Variants in ROBO1 observed in about 807,000 individuals in gnomAD.
ROBO1 encodes roundabout guidance receptor 1.
ROBO1 carries 149 observed loss-of-function variants against 195.9 expected under a neutral mutation model. The observed-to-expected ratio is 0.76, with a 90% CI of 0.67 to 0.87. The LOEUF is 0.87. Among genes scored for constraint, ROBO1 ranks in the 40% least tolerant of loss-of-function variants. ROBO1 has a pLI of 0.00. For synonymous variants in ROBO1, 816 were observed against 733.2 expected (o/e 1.11, Z -1.82); for missense variants, 1,933 against 2,068.3 (o/e 0.93, Z 1.27).
chr3:79,490,310 G>T (rs1414330189), intron 2 of ROBO1, among the ~76,000 whole-genome samples: 1 of 152,126 alleles, frequency 6.6e-6, no homozygotes, highest in Non-Finnish European at 1.5e-5. Context: ...CATCCCCATG[G>T]ACTCAGCCCC....
chr3:79,146,611 T>C (rs1342170471), intron 2 of ROBO1, among the ~76,000 whole-genome samples: 1 of 151,944 alleles, frequency 6.6e-6, no homozygotes, highest in Non-Finnish European at 1.5e-5. Context: ...CAGATATCTG[T>C]GGTAAATAAC....
intron 2 of ROBO1, among the ~76,000 whole-genome samples, chr3:79,410,673 A>C (rs573499438): frequency 6.6e-6 from 1 of 152,100 alleles, no homozygotes; most frequent in African/African-American, 2.4e-5. Context: ...AAAGAAAGAA[A>C]GAAAAAGAAA....
chr3:79,382,911 T>A (rs1019382235), intron 2 of ROBO1, among the ~76,000 whole-genome samples: 7 of 152,056 alleles, frequency 4.6e-5, no homozygotes, highest in African/African-American at 1.4e-4. Context: ...TGTTTTCCTC[T>A]TACACAGAAT....
chr3:78,666,234 T>C (rs1310486106), intron 14 of ROBO1, among the ~76,000 whole-genome samples: 2 of 152,310 alleles, frequency 1.3e-5, no homozygotes, highest in African/African-American at 2.4e-5. Flanking sequence ...CTTTATAAAC[T>C]GCCCAGTCTC....
intron 1 of ROBO1, among the ~76,000 whole-genome samples, chr3:79,748,050 A>AC (rs1223525535): frequency 6.6e-6 from 1 of 152,112 alleles, no homozygotes; most frequent in African/African-American, 2.4e-5. Flanking sequence ...ACCAAAAAAA[A>AC]ATACTACTGC....
At chr3:79,356,145 A>C (rs2035546293) in intron 2 of ROBO1, among the ~76,000 whole-genome samples, 1 of 152,146 alleles carries the variant, frequency 6.6e-6, no homozygotes, top group Non-Finnish European at 1.5e-5. Flanking sequence ...GTTCCAGACT[A>C]GCCTGGCCAA....
chr3:78,694,730 G>C (rs1297347336), intron 8 of ROBO1, among the ~76,000 whole-genome samples: 1 of 152,112 alleles, frequency 6.6e-6, no homozygotes, highest in Non-Finnish European at 1.5e-5. Flanking sequence ...TTAAATGACA[G>C]TAAGAAGTAT....
At chr3:79,655,467 T>G (rs1473763257) in intron 1 of ROBO1, among the ~76,000 whole-genome samples, 1 of 152,018 alleles carries the variant, frequency 6.6e-6, no homozygotes, top group African/African-American at 2.4e-5. Context: ...TCAGTAAAGA[T>G]TTTAGCCTGT....
intron 2 of ROBO1, among the ~76,000 whole-genome samples, chr3:79,189,807 A>G (rs2081505223): frequency 6.6e-6 from 1 of 151,750 alleles, no homozygotes; most frequent in South Asian, 2.1e-4. Flanking sequence ...AAGATGAAAC[A>G]GTTTAAAGAA....
At chr3:78,660,725 G>A (rs1208222405) in intron 16 of ROBO1, 1 of 219,086 alleles carries the variant, frequency 4.6e-6, no homozygotes, top group East Asian at 1.0e-4. Context: ...AAACCAAACG[G>A]AAAACAATTT....
At chr3:79,584,207 T>C (rs1409123818) in intron 2 of ROBO1, among the ~76,000 whole-genome samples, 2 of 150,376 alleles carry the variant, frequency 1.3e-5, no homozygotes, top group African/African-American at 4.9e-5. Context: ...ATATCATATA[T>C]GCATATATTA....
intron 3 of ROBO1, among the ~76,000 whole-genome samples, chr3:79,048,254 C>A (rs1027105132): frequency 6.6e-6 from 1 of 152,124 alleles, no homozygotes; most frequent in Non-Finnish European, 1.5e-5. Context: ...CATGCCATCC[C>A]CATCCCGTGG....
chr3:79,023,931 C>G (rs368785373), intron 3 of ROBO1, among the ~76,000 whole-genome samples: 1 of 150,306 alleles, frequency 6.7e-6, no homozygotes, highest in Admixed American at 6.6e-5. Context: ...AGGCTGGTCT[C>G]GAACTCCTGA....
At chr3:79,705,869 C>T (rs1471122631) in intron 1 of ROBO1, among the ~76,000 whole-genome samples, 1 of 152,062 alleles carries the variant, frequency 6.6e-6, no homozygotes, top group Non-Finnish European at 1.5e-5. Context: ...TAGTTTTCAT[C>T]ATACAGATCT....
chr3:79,323,085 CTTT>C (rs1175827885), intron 2 of ROBO1, among the ~76,000 whole-genome samples: 3 of 142,268 alleles, frequency 2.1e-5, no homozygotes, highest in Non-Finnish European at 3.1e-5. Flanking sequence ...TTCTTTCTTT[CTTT>C]TTTTTTTTTT....
chr3:78,938,719 T>C lies in ROBO1; in HGVS notation c.381A>G (p.Leu127=), dbSNP rs778472971. The C allele has an allele frequency of 5.0e-6, 8 of 1,613,792 alleles. No homozygotes were observed. The highest frequency in any genetic ancestry group is 6.8e-6 in the Non-Finnish European group (8 of 1,179,892). ...GTCCATGTACTATACGTAAGAAAAA[T>C]AAAGATCCACTCGGCAGCAACATTC... is the stretch of plus-strand genomic sequence containing the variant. The part of the protein sequence containing the change: ...SHRMLLPSGS[L]FFLRIVHGRK... The change falls in exon 4 of 31, where the codon TTA becomes TTG. Residue 127 remains leucine, a synonymous_variant. Transcript: ENST00000464233.
In ROBO1 at chr3:78,930,698, C is replaced by A. The variant is rs537193094; in HGVS notation, c.499+7903G>T. Among the ~76,000 whole-genome samples, 10 of 152,206 alleles carry A rather than the reference C, an allele frequency of 6.6e-5. No individual in the cohort carries two copies. In the South Asian group the frequency reaches 2.1e-3, roughly 32 times the overall value. On this transcript the variant is annotated intron_variant, in intron 4 of 30. Transcript: ENST00000464233. ...TAAAATTAAGCCAAATCTTTGGTCC[C>A]CAAATCTAATCCTCTCTTTTCTTTT...
chr3:79,649,340 A>G (rs958893796), intron 1 of ROBO1, among the ~76,000 whole-genome samples: 4 of 152,050 alleles, frequency 2.6e-5, no homozygotes, highest in Admixed American at 6.6e-5. Context: ...ATATGTCTCC[A>G]TATACATTTG....
intron 2 of ROBO1, among the ~76,000 whole-genome samples, chr3:79,195,267 T>C (rs574897630): frequency 1.3e-5 from 2 of 151,724 alleles, no homozygotes; most frequent in South Asian, 2.1e-4. Flanking sequence ...AAACTGTAAA[T>C]AGAATGCTGG....
Sources: allele counts gnomAD v4.1 joint callset (sites outside exome capture counted in the v4.1 genomes callset), GRCh38; gene constraint gnomAD v4.1.1; transcripts MANE v1.5; gene names NCBI Gene and HGNC (gene_info 2026-07-23, HGNC 2026-07-21).